Variants in ECPAS observed in about 807,000 individuals in gnomAD.
ECPAS encodes Ecm29 proteasome adaptor and scaffold, also known as proteasome adapter and scaffold protein ECM29.
Under a neutral mutation model 255.1 loss-of-function variants are expected in ECPAS, and 70 were observed. That is an observed-to-expected ratio of 0.27 (90% CI 0.23 to 0.33). The LOEUF (loss-of-function observed/expected upper bound fraction) is 0.33, where lower values mean the gene tolerates loss of function less well. Among genes scored for constraint, ECPAS ranks in the 10% least tolerant of loss-of-function variants. ECPAS has a pLI of 1.00. For missense variants in ECPAS, 1,817 were observed against 2,206.4 expected (o/e 0.82, Z 3.54); for synonymous variants, 784 against 775.0 (o/e 1.01, Z -0.19).
intron 37 of ECPAS, among the ~76,000 whole-genome samples, 161 bp downstream of exon 37, chr9:111,376,309 TAGTAAC>T (rs1485833164): frequency 3.3e-5 from 5 of 152,220 alleles, no homozygotes; most frequent in African/African-American, 4.8e-5. Context: ...TTATTCCACT[TAGTAAC>T]AGAGAAGAAA....
At chr9:111,474,619 T>C (rs1418877789) in intron 1 of ECPAS, among the ~76,000 whole-genome samples, 2 of 152,218 alleles carry the variant, frequency 1.3e-5, no homozygotes, top group African/African-American at 4.8e-5. Flanking sequence ...TTCTCTACTG[T>C]CTACAGAACA....
chr9:111,464,627 C>A (rs939035404), intron 2 of ECPAS, among the ~76,000 whole-genome samples: 1 of 152,092 alleles, frequency 6.6e-6, no homozygotes, highest in Non-Finnish European at 1.5e-5. Context: ...GTTACATGAG[C>A]CAACAAGACC....
chr9:111,446,956 G>A (rs1296531669), intron 3 of ECPAS, among the ~76,000 whole-genome samples: 5 of 152,090 alleles, frequency 3.3e-5, no homozygotes, highest in South Asian at 4.1e-4. Flanking sequence ...CTGTGATACC[G>A]CTAGGCGACA....
chr9:111,411,680 G>A (rs1021039980), intron 21 of ECPAS: 4 of 206,572 alleles, frequency 1.9e-5, no homozygotes, highest in Non-Finnish European at 2.9e-5. Flanking sequence ...CATCAGGCCC[G>A]ACCCTGCTTA....
intron 46 of ECPAS, 27 bp from the exon 47 acceptor site, chr9:111,366,654 G>C (rs1204218678): frequency 6.9e-6 from 10 of 1,447,014 alleles, no homozygotes; most frequent in Non-Finnish European, 8.7e-6. Flanking sequence ...AGGTGGGACA[G>C]AGCAGGAGAC....
chr9:111,373,461 C>G, intron 39 of ECPAS, 55 bp from the exon 40 acceptor site: 1 of 1,473,884 alleles, frequency 6.8e-7, no homozygotes, highest in Non-Finnish European at 9.4e-7. Context: ...ATGTTCCACT[C>G]TGTTCCCAGA....
Position 111,414,609 on chromosome 9 carries a change from C to A in ECPAS, c.1807G>T (p.Val603Leu), listed in dbSNP as rs746805285. Reference protein sequence around the residue: ...LRMCLAHSAGVVPTSQSLADM... With the variant: ...LRMCLAHSAGLVPTSQSLADM... ...GCCAAACTCTGAGAGGTGGGCACCA[C>A]CCCCGCACTGTGCGCAAGGCACATG... The change falls in exon 19 of 50, where the codon GTG (valine) becomes TTG (leucine). Residue 603 changes from valine to leucine, a missense_variant. This residue lies in a region of ECPAS where 573 missense variants were observed against 716.2 expected (regional missense o/e 0.80). Coordinates refer to ENST00000684092, the MANE Select transcript of ECPAS (RefSeq NM_001364929.1). 3.1e-6 allele frequency: 5 copies of A among 1,613,862 alleles called. No homozygotes were observed. The highest frequency in any genetic ancestry group is 4.2e-6 in the Non-Finnish European group (5 of 1,179,868).
chr9:111,366,903 G>A (rs984033910), intron 46 of ECPAS, among the ~76,000 whole-genome samples: 5 of 152,144 alleles, frequency 3.3e-5, no homozygotes, highest in Non-Finnish European at 7.3e-5. Flanking sequence ...CCACAAAGGT[G>A]CAATATAATT....
chr9:111,370,339 T>G (rs1210645667), intron 45 of ECPAS, 96 bp downstream of exon 45: 6 of 784,502 alleles, frequency 7.6e-6, no homozygotes, highest in Non-Finnish European at 1.2e-5. Flanking sequence ...TACTTGCAGC[T>G]AAACTAATCC....
intron 3 of ECPAS, among the ~76,000 whole-genome samples, chr9:111,449,551 G>C (rs1182151974): frequency 6.6e-6 from 1 of 151,714 alleles, no homozygotes; most frequent in Non-Finnish European, 1.5e-5. Flanking sequence ...ATACACAACT[G>C]AACATTTAAA....
At chr9:111,449,677 T>A (rs1178767093) in intron 3 of ECPAS, among the ~76,000 whole-genome samples, 3 of 152,206 alleles carry the variant, frequency 2.0e-5, no homozygotes, top group Non-Finnish European at 4.4e-5. Context: ...CCTGGACTAA[T>A]GCAAAAGTTC....
intron 24 of ECPAS, among the ~76,000 whole-genome samples, chr9:111,407,528 G>A (rs1051232422): frequency 6.8e-6 from 1 of 147,306 alleles, no homozygotes; most frequent in Non-Finnish European, 1.5e-5. Flanking sequence ...TGGTTACAAT[G>A]TTAATGACAT....
intron 1 of ECPAS, among the ~76,000 whole-genome samples, chr9:111,474,398 T>C (rs1029020022): frequency 6.6e-6 from 1 of 152,166 alleles, no homozygotes; most frequent in African/African-American, 2.4e-5. Context: ...ATTTTAGGGA[T>C]TTTACATTAT....
intron 2 of ECPAS, among the ~76,000 whole-genome samples, chr9:111,460,273 A>C (rs1306192104): frequency 1.3e-5 from 2 of 152,232 alleles, no homozygotes; most frequent in African/African-American, 4.8e-5. Flanking sequence ...ACATCTCTTC[A>C]TGCTAAATAG....
intron 22 of ECPAS, among the ~76,000 whole-genome samples, chr9:111,410,563 C>T (rs541462515): frequency 2.0e-5 from 3 of 152,206 alleles, no homozygotes; most frequent in East Asian, 1.9e-4. Flanking sequence ...GTCACCCAGG[C>T]GGGAGTGCAG....
chr9:111,370,819 C>G (rs2098126450), intron 43 of ECPAS, 54 bp from the exon 44 acceptor site: 8 of 1,476,780 alleles, frequency 5.4e-6, no homozygotes, highest in Admixed American at 2.0e-5. Flanking sequence ...GTCATTTACA[C>G]TGTCTAAACC....
At chr9:111,412,265 A>G (rs910550469) in intron 20 of ECPAS, 117 bp from the exon 21 acceptor site, 11 of 898,346 alleles carry the variant, frequency 1.2e-5, no homozygotes, top group Middle Eastern at 2.4e-4. Flanking sequence ...AGAAAAAAAC[A>G]AGCCATTATT....
chr9:111,407,621 G>A (rs1024740272), intron 24 of ECPAS, among the ~76,000 whole-genome samples: 4 of 151,720 alleles, frequency 2.6e-5, no homozygotes, highest in Admixed American at 6.6e-5. Context: ...TCTCTTACTC[G>A]GGTGCCTCAG....
chr9:111,469,457 C>T (rs576646759), intron 2 of ECPAS, among the ~76,000 whole-genome samples: 68 of 151,602 alleles, frequency 4.5e-4, no homozygotes, highest in Non-Finnish European at 7.8e-4. Flanking sequence ...TGATTTGAAC[C>T]CGGGAGGTGG....
Sources: allele counts gnomAD v4.1 joint callset (sites outside exome capture counted in the v4.1 genomes callset), GRCh38; gene constraint gnomAD v4.1.1; regional missense constraint gnomAD v4.1.1; transcripts MANE v1.5; gene names NCBI Gene and HGNC (gene_info 2026-07-23, HGNC 2026-07-21).